Variants in MSI2 observed in about 807,000 individuals in gnomAD.
MSI2 encodes the protein RNA-binding protein Musashi homolog 2.
A neutral mutation model predicts 45.6 loss-of-function variants in MSI2; 17 were observed. That is an observed-to-expected ratio of 0.37 (90% CI 0.26 to 0.56). MSI2 has a LOEUF of 0.56. Among genes scored for constraint, MSI2 ranks in the 20% least tolerant of loss-of-function variants. MSI2 has a pLI of 0.77. For synonymous variants in MSI2, 156 were observed against 158.2 expected (o/e 0.99, Z 0.11); for missense variants, 293 against 444.2 (o/e 0.66, Z 3.06).
chr17:57,427,884 G>A (rs1005633326), intron 6 of MSI2, among the ~76,000 whole-genome samples: 2 of 151,932 alleles, frequency 1.3e-5, no homozygotes, highest in African/African-American at 4.8e-5. Flanking sequence ...GAGCTCTGCA[G>A]TGGGACAACT....
chr17:57,406,765 C>T (rs528791614), intron 6 of MSI2: 2 of 152,328 alleles, frequency 1.3e-5, no homozygotes, highest in African/African-American at 4.8e-5. Flanking sequence ...TCATTCCTTT[C>T]ATTCTGTGTT....
At chr17:57,472,938 G>C (rs1424746381) in intron 6 of MSI2, among the ~76,000 whole-genome samples, 4 of 151,796 alleles carry the variant, frequency 2.6e-5, no homozygotes, top group Non-Finnish European at 5.9e-5. Context: ...TGTCGCCCAG[G>C]CTGGAGTGCA....
chr17:57,689,030 T>C (rs189114169), downstream of MSI2, among the ~76,000 whole-genome samples: 175 of 152,338 alleles, frequency 1.1e-3, 1 homozygote, highest in Non-Finnish European at 1.0e-3. Flanking sequence ...ATTCTGGCTT[T>C]TCCTGTCCTT....
intron 7 of MSI2, among the ~76,000 whole-genome samples, chr17:57,534,817 A>T (rs897971327): frequency 1.3e-5 from 2 of 152,224 alleles, no homozygotes; most frequent in African/African-American, 4.8e-5. Context: ...GGAGCGGAGA[A>T]TGGTGGCTTT....
intron 6 of MSI2, among the ~76,000 whole-genome samples, chr17:57,509,460 G>A (rs770602699): frequency 2.0e-5 from 3 of 152,020 alleles, no homozygotes; most frequent in Admixed American, 6.6e-5. Flanking sequence ...CACTCTTGTC[G>A]CCCAGGCTGG....
intron 5 of MSI2, among the ~76,000 whole-genome samples, chr17:57,389,931 G>A (rs898990908): frequency 6.6e-6 from 1 of 152,076 alleles, no homozygotes; most frequent in African/African-American, 2.4e-5. Context: ...TGCTCAGGAA[G>A]GGTTTTAATG....
chr17:57,587,662 T>C (rs1362283568), intron 7 of MSI2, among the ~76,000 whole-genome samples: 1 of 151,156 alleles, frequency 6.6e-6, no homozygotes, highest in Non-Finnish European at 1.5e-5. Flanking sequence ...AGAAGACCCG[T>C]GTCGACTCAC....
chr17:57,411,174 T>G (rs991064904), intron 6 of MSI2, among the ~76,000 whole-genome samples: 9 of 152,034 alleles, frequency 5.9e-5, no homozygotes, highest in African/African-American at 1.9e-4. Context: ...CTGGCTAATT[T>G]TTTTGTATTT....
At chr17:57,647,275 A>C (rs1487758644) in intron 10 of MSI2, among the ~76,000 whole-genome samples, 4 of 55,140 alleles carry the variant, frequency 7.3e-5, no homozygotes, top group African/African-American at 1.1e-4. Flanking sequence ...CTAAAAATAC[A>C]AAAAAAAAAA....
At chr17:57,417,594 A>G (rs984509104) in intron 6 of MSI2, among the ~76,000 whole-genome samples, 5 of 152,142 alleles carry the variant, frequency 3.3e-5, no homozygotes, top group African/African-American at 4.8e-5. Flanking sequence ...TGTTTGACCC[A>G]TGAGTGGAAC....
chr17:57,410,322 A>G (rs951890742), intron 6 of MSI2, among the ~76,000 whole-genome samples: 3 of 151,770 alleles, frequency 2.0e-5, no homozygotes, highest in Non-Finnish European at 2.9e-5. Flanking sequence ...CACTAACTTC[A>G]TACCTGTTTA....
At chr17:57,542,767 G>A (rs1335147409) in intron 7 of MSI2, among the ~76,000 whole-genome samples, 1 of 152,228 alleles carries the variant, frequency 6.6e-6, no homozygotes, top group African/African-American at 2.4e-5. Context: ...CCTGGTCTGT[G>A]TCTGGGCAGT....
chr17:57,569,333 C>T (rs2087816122), intron 7 of MSI2, among the ~76,000 whole-genome samples: 1 of 152,182 alleles, frequency 6.6e-6, no homozygotes, highest in African/African-American at 2.4e-5. Context: ...CTTCCTAGAA[C>T]ATCTGGAAGG....
In MSI2 at chr17:57,611,951, G is replaced by C. The variant is rs1240564276; in HGVS notation, c.538-4019G>C. ...AAGCCACTAAGTTTGGGGGCAGTTT[G>C]TTGCTCAGCAGTAGATACCTGGAAC... On this transcript the variant is annotated intron_variant, in intron 8 of 13. Transcript: ENST00000284073. Among the ~76,000 whole-genome samples the C allele has an allele frequency of 4.2e-5, 4 of 96,052 alleles. 2 individuals carry two copies. The highest frequency in any genetic ancestry group is 1.3e-4 in the African/African-American group (4 of 30,900). 63.0% of individuals were successfully genotyped at this position (96,052 alleles called of 152,430 possible).
At chr17:57,474,706 T>C (rs557887435) in intron 6 of MSI2, among the ~76,000 whole-genome samples, 2 of 4,518 alleles carry the variant, frequency 4.4e-4, no homozygotes, top group Admixed American at 4.9e-3. Flanking sequence ...TTTGTTGTTT[T>C]TTTGTTTTTG....
At chr17:57,503,168 G>A (rs780951485) in intron 6 of MSI2, among the ~76,000 whole-genome samples, 4 of 152,138 alleles carry the variant, frequency 2.6e-5, no homozygotes, top group South Asian at 2.1e-4. Context: ...AGACTGATAC[G>A]AGTCCAAGGA....
At position 57,683,447 on chromosome 17, in the gene MSI2, T is replaced by G. The variant is rs894184429; in HGVS notation, c.*3930T>G. On this transcript the variant is annotated 3_prime_UTR_variant, in exon 14 of 14. Transcript: ENST00000284073. The surrounding 1 kb of genome is among the most constrained non-coding windows in gnomAD (Gnocchi z 5.2). Reference sequence around the variant, plus strand: ...GCAAACGAGGGCTAGGGACTTAGCCTCCTCCACCACCTCCACACTGCTTCA... The same window carrying G: ...GCAAACGAGGGCTAGGGACTTAGCCGCCTCCACCACCTCCACACTGCTTCA... The G allele has an allele frequency of 1.7e-5, 4 of 229,138 alleles. No individual in the cohort carries two copies. The highest frequency in any genetic ancestry group is 8.9e-5 in the African/African-American group (4 of 45,106). 14.2% of individuals were successfully genotyped at this position (229,138 alleles called of 1,614,324 possible). A position where few individuals can be genotyped will look rare whatever the true frequency, so the allele number is the denominator to read the frequency against.
intron 10 of MSI2, among the ~76,000 whole-genome samples, chr17:57,635,395 C>T (rs1411877191): frequency 6.6e-6 from 1 of 152,250 alleles, no homozygotes; most frequent in Non-Finnish European, 1.5e-5. Flanking sequence ...CTCTCTGCAC[C>T]CCATCTCCTC....
chr17:57,659,918 G>C (rs144803419), intron 11 of MSI2, among the ~76,000 whole-genome samples: 32 of 152,234 alleles, frequency 2.1e-4, no homozygotes, highest in African/African-American at 7.2e-4. Flanking sequence ...TATTTATTAA[G>C]TATATAACAA....
Sources: gnomAD v4.1 joint callset for allele counts (sites outside exome capture counted in the v4.1 genomes callset) on GRCh38, gnomAD v4.1.1 for gene constraint, Gnocchi (gnomAD v3.1) non-coding constraint, MANE v1.5 for transcripts, NCBI Gene and HGNC (gene_info 2026-07-23, HGNC 2026-07-21) for gene names.